Variants in DTNA observed in about 807,000 individuals in gnomAD.
The protein encoded by DTNA is dystrobrevin alpha, also known as dystrophin-related protein 3.
Under a neutral mutation model 100.7 loss-of-function variants are expected in DTNA, and 43 were observed. The observed-to-expected ratio is 0.43, with a 90% CI of 0.33 to 0.55. DTNA has a LOEUF of 0.55. Among genes scored for constraint, DTNA ranks in the 20% least tolerant of loss-of-function variants. The pLI, the probability that DTNA is intolerant of heterozygous loss-of-function variation, is 0.04. For missense variants in DTNA, 798 were observed against 953.9 expected, an observed-to-expected ratio of 0.84 and a Z score of 2.15; for synonymous variants, 349 against 347.9, an observed-to-expected ratio of 1.00 and a Z score of -0.04.
intron 1 of DTNA, among the ~76,000 whole-genome samples, chr18:34,685,846 T>G (rs1469858016): frequency 6.6e-6 from 1 of 152,178 alleles, no homozygotes; most frequent in African/African-American, 2.4e-5. Context: ...CTTGAAGAGG[T>G]CTTTCACATC....
chr18:34,638,040 C>A (rs953774942), intron 1 of DTNA, among the ~76,000 whole-genome samples: 1 of 152,192 alleles, frequency 6.6e-6, no homozygotes, highest in Non-Finnish European at 1.5e-5. Flanking sequence ...TACTTCTTAT[C>A]GTTGTCTGTC....
chr18:34,582,034 A>G (rs2048701904), intron 1 of DTNA, among the ~76,000 whole-genome samples: 1 of 152,122 alleles, frequency 6.6e-6, no homozygotes, highest in South Asian at 2.1e-4. Flanking sequence ...TAAACCAAAT[A>G]TGTTTTCCTA....
intron 17 of DTNA, chr18:34,866,797 C>T: frequency 1.0e-6 from 1 of 994,976 alleles, no homozygotes; most frequent in Non-Finnish European, 1.2e-6. Flanking sequence ...ACAGTAATCT[C>T]TTTTTAAAAA....
chr18:34,881,934 T>C, intron 20 of DTNA, 135 bp from the exon 21 acceptor site: 1 of 1,230,150 alleles, frequency 8.1e-7, no homozygotes, highest in Admixed American at 1.9e-5. Context: ...TAGGTATTAC[T>C]AAAGAAGACA....
At chr18:34,646,488 T>TA (rs1304468035) in intron 1 of DTNA, among the ~76,000 whole-genome samples, 12 of 152,182 alleles carry the variant, frequency 7.9e-5, no homozygotes, top group Admixed American at 7.9e-4. Context: ...GATGTGAATT[T>TA]ACCAGAGTAA....
chr18:34,816,221 T>C (rs1039817595), intron 7 of DTNA, among the ~76,000 whole-genome samples: 25 of 152,140 alleles, frequency 1.6e-4, no homozygotes, highest in African/African-American at 5.8e-4. Context: ...CAAAAATAAA[T>C]CTCATGGTCT....
At chr18:34,602,780 C>T (rs1329209941) in intron 1 of DTNA, among the ~76,000 whole-genome samples, 2 of 151,446 alleles carry the variant, frequency 1.3e-5, no homozygotes, top group African/African-American at 2.4e-5. Context: ...GGGAGGCCGC[C>T]GGATCAGGAG....
intron 1 of DTNA, among the ~76,000 whole-genome samples, chr18:34,741,592 G>A (rs199947286): frequency 6.6e-6 from 1 of 152,278 alleles, no homozygotes; most frequent in East Asian, 1.9e-4. Context: ...CTTTGGAGCA[G>A]AATATTCCTG....
chr18:34,509,016 A>T (rs1490696886), intron 1 of DTNA, among the ~76,000 whole-genome samples: 1 of 151,934 alleles, frequency 6.6e-6, no homozygotes, highest in African/African-American at 2.4e-5. Flanking sequence ...GGCTCTTTTT[A>T]TTCCTTCTGT....
At chr18:34,544,334 AT>A (rs776487253) in intron 1 of DTNA, among the ~76,000 whole-genome samples, 13 of 152,228 alleles carry the variant, frequency 8.5e-5, no homozygotes, top group East Asian at 3.9e-4. Context: ...TTTAAAAAAA[AT>A]AATAGAAACT....
chr18:34,668,818 C>T (rs1418546859), intron 1 of DTNA, among the ~76,000 whole-genome samples: 2 of 152,090 alleles, frequency 1.3e-5, no homozygotes, highest in Non-Finnish European at 2.9e-5. Flanking sequence ...TGTTCTTTTA[C>T]ATTTGCTGAG....
intron 1 of DTNA, among the ~76,000 whole-genome samples, chr18:34,674,275 A>G (rs994601753): frequency 3.3e-5 from 5 of 152,232 alleles, no homozygotes; most frequent in African/African-American, 1.2e-4. Flanking sequence ...AAACTGTCAC[A>G]GCCACAGCCC....
chr18:34,840,159 C>T (rs148794517), intron 13 of DTNA, among the ~76,000 whole-genome samples: 1 of 152,160 alleles, frequency 6.6e-6, no homozygotes, highest in Admixed American at 6.5e-5. Flanking sequence ...ATAACCAGTA[C>T]ACTAGTTTAA....
At chr18:34,845,354 G>A (rs1461896446) in intron 13 of DTNA, among the ~76,000 whole-genome samples, 6 of 152,058 alleles carry the variant, frequency 3.9e-5, no homozygotes, top group Non-Finnish European at 8.8e-5. Context: ...ATATCTTCAC[G>A]TCTTACATTT....
At chr18:34,520,465 A>G (rs1020624340) in intron 1 of DTNA, among the ~76,000 whole-genome samples, 30 of 152,108 alleles carry the variant, frequency 2.0e-4, no homozygotes, top group Admixed American at 1.6e-3. Context: ...CAGCCTGGCT[A>G]AGATGGTGAA....
intron 1 of DTNA, among the ~76,000 whole-genome samples, chr18:34,627,346 G>A (rs1389097804): frequency 1.3e-5 from 2 of 152,106 alleles, no homozygotes; most frequent in African/African-American, 4.8e-5. Context: ...CCTGTGTAAA[G>A]TGTGTTCACT....
intron 16 of DTNA, among the ~76,000 whole-genome samples, chr18:34,860,239 T>G (rs943986879): frequency 2.8e-5 from 4 of 141,336 alleles, no homozygotes; most frequent in South Asian, 2.4e-4. Context: ...TTTTTTTTTT[T>G]TTTTTTTTTT....
At chr18:34,740,707 G>C (rs2090481301) in intron 1 of DTNA, among the ~76,000 whole-genome samples, 2 of 152,072 alleles carry the variant, frequency 1.3e-5, no homozygotes, top group South Asian at 4.2e-4. Flanking sequence ...GAAGCGGGAG[G>C]ATAATTTGAG....
At chr18:34,657,646 T>C (rs547110701) in intron 1 of DTNA, among the ~76,000 whole-genome samples, 15 of 152,196 alleles carry the variant, frequency 9.9e-5, no homozygotes, top group Non-Finnish European at 2.1e-4. Context: ...TACATCACTC[T>C]CCATTTAGAC....
Sources: allele counts gnomAD v4.1 joint callset (sites outside exome capture counted in the v4.1 genomes callset), GRCh38; gene constraint gnomAD v4.1.1; transcripts MANE v1.5; gene names NCBI Gene and HGNC (gene_info 2026-07-23, HGNC 2026-07-21).